The following SMARCA5 variants were observed in gnomAD, a reference collection of about 807,000 sequenced individuals.
SMARCA5 encodes SNF2 related chromatin remodeling ATPase 5, also known as SWI/SNF-related matrix-associated actin-dependent regulator of chromatin subfamily A member 5.
In SMARCA5, 18 loss-of-function variants were observed where a neutral mutation model predicts 140.4. The ratio of observed to expected loss-of-function variants is 0.13; its 90% CI spans 0.09 to 0.19. The LOEUF is 0.19. SMARCA5 is among the 10% of genes least tolerant of loss of function. The pLI, the probability that SMARCA5 is intolerant of heterozygous loss-of-function variation, is 1.00. For missense variants in SMARCA5, 606 were observed against 1,276.8 expected, an observed-to-expected ratio of 0.47 and a Z score of 8.01; for synonymous variants, 449 against 419.6, an observed-to-expected ratio of 1.07 and a Z score of -0.86.
chr4:143,551,083 CTT>C lies in SMARCA5; in HGVS notation c.3093+982_3093+983del, dbSNP rs1035880180. Reference sequence around the variant, plus strand: ...CTTGTCAGGATTTGTTATTGCCTGACTTTTGGATAAAAGCCATTTTATCTGGG... The same window carrying C: ...CTTGTCAGGATTTGTTATTGCCTGACTTGGATAAAAGCCATTTTATCTGGG... On this transcript the variant is annotated intron_variant, in intron 23 of 23. Transcript: ENST00000283131. Among the ~76,000 whole-genome samples, 250 of 151,840 alleles carry C rather than the reference CTT, an allele frequency of 1.6e-3. 3 individuals are homozygous for C. Among genetic ancestry groups the C allele is most frequent in the African/African-American group, 3.0e-3 (125 of 41,396 alleles).
intron 21 of SMARCA5, 152 bp from the exon 22 acceptor site, chr4:143,547,776 C>G (rs7687839): frequency 1.7e-5 from 9 of 543,578 alleles, no homozygotes; most frequent in African/African-American, 1.5e-4. Flanking sequence ...AAAGGTCTTT[C>G]GGGACAAAGA....
chr4:143,524,505 C>CT, intron 4 of SMARCA5, 38 bp downstream of exon 4: 1 of 1,313,514 alleles, frequency 7.6e-7, no homozygotes. Context: ...AAAAATTGCC[C>CT]TTTGAGATCT....
At chr4:143,535,187 C>G (rs1349293793) in intron 10 of SMARCA5, among the ~76,000 whole-genome samples, 2 of 152,056 alleles carry the variant, frequency 1.3e-5, no homozygotes, top group South Asian at 2.1e-4. Context: ...GCTTATGAAT[C>G]CAAAATTAAA....
At chr4:143,550,177 C>A in intron 23 of SMARCA5, 73 bp downstream of exon 23, 1 of 790,748 alleles carries the variant, frequency 1.3e-6, no homozygotes, top group Non-Finnish European at 2.0e-6. Flanking sequence ...CACTGCTTGG[C>A]TGTCATTGAT....
chr4:143,521,434 T>C lies in SMARCA5; in HGVS notation c.258T>C (p.Thr86=). The part of the protein sequence containing the change: ...PDPTYEEKMQ[T]DRANRFEYLL... ...CTTAAATTTTTTTTTTTCAGCAAACTGACCGGGCAAATAGATTCGAGTATT... is the reference window on the plus strand; with the variant it reads ...CTTAAATTTTTTTTTTTCAGCAAACCGACCGGGCAAATAGATTCGAGTATT... Residue 86 remains threonine (T), a synonymous_variant, in exon 3 of 24, where the codon ACT becomes ACC. Coordinates refer to ENST00000283131, the MANE Select transcript of SMARCA5 (RefSeq NM_003601.4). 6.3e-7 allele frequency: 1 copy of C among 1,587,280 alleles called. No individual in the cohort carries two copies. Among genetic ancestry groups the C allele is most frequent in the Non-Finnish European group, 8.5e-7 (1 of 1,170,254 alleles).
chr4:143,547,610 A>G (rs1004820533), intron 21 of SMARCA5, 107 bp downstream of exon 21: 4 of 682,906 alleles, frequency 5.9e-6, no homozygotes, highest in African/African-American at 3.6e-5. Context: ...TACAATTTAA[A>G]ATTTCTTCAG....
chr4:143,527,265 G>A (rs1231086404), intron 6 of SMARCA5, among the ~76,000 whole-genome samples: 1 of 152,130 alleles, frequency 6.6e-6, no homozygotes, highest in Non-Finnish European at 1.5e-5. Context: ...CTACTGAATA[G>A]CTGTGTACTT....
intron 10 of SMARCA5, among the ~76,000 whole-genome samples, chr4:143,536,151 T>C (rs1315137699): frequency 2.6e-5 from 4 of 152,196 alleles, no homozygotes; most frequent in African/African-American, 4.8e-5. Flanking sequence ...TTTGCTTTAT[T>C]ACTTAAAAAT....
At chr4:143,540,750 C>T (rs2149823128) in intron 14 of SMARCA5, among the ~76,000 whole-genome samples, 2 of 152,250 alleles carry the variant, frequency 1.3e-5, no homozygotes, top group Middle Eastern at 3.4e-3. Context: ...CCCATTTCCT[C>T]ATCTGTTAAG....
At chr4:143,531,858 C>A (rs1306629401) in intron 9 of SMARCA5, among the ~76,000 whole-genome samples, 2 of 152,186 alleles carry the variant, frequency 1.3e-5, no homozygotes, top group East Asian at 3.8e-4. Context: ...AATACCTAGT[C>A]CAAGACTCAG....
At position 143,513,876 on chromosome 4, in the gene SMARCA5, C is replaced by G. The variant is rs746566094; in HGVS notation, c.-49C>G. ...CAGGCCTAGGCCTCCCCGTCCATCCCCGCCGGACTCGGGCCTCTGGCAGCA... is the reference window on the plus strand; with the variant it reads ...CAGGCCTAGGCCTCCCCGTCCATCCGCGCCGGACTCGGGCCTCTGGCAGCA... On this transcript the variant is annotated 5_prime_UTR_variant, in exon 1 of 24. Transcript: ENST00000283131. 18 of 1,526,502 alleles carry G rather than the reference C, an allele frequency of 1.2e-5. No individual in the cohort carries two copies. The highest frequency in any genetic ancestry group is 1.6e-5 in the Non-Finnish European group (18 of 1,142,138). 94.6% of individuals were successfully genotyped at this position (1,526,502 alleles called of 1,614,324 possible).
In SMARCA5 at chr4:143,555,648, G is replaced by A. The variant is rs1737731814; in HGVS notation, c.*2464G>A. On this transcript the variant is annotated 3_prime_UTR_variant, in exon 24 of 24. Coordinates refer to ENST00000283131, the MANE Select transcript of SMARCA5 (RefSeq NM_003601.4). Reference sequence around the variant, plus strand: ...AAAGTGCTGGAGGCTATTATAAAGTGTAATTATTACTACTTTTAAGAGACA... The same window carrying A: ...AAAGTGCTGGAGGCTATTATAAAGTATAATTATTACTACTTTTAAGAGACA... 1 of 252,286 alleles carries A rather than the reference G, an allele frequency of 4.0e-6. No homozygotes were observed. Among genetic ancestry groups the A allele is most frequent in the African/African-American group, 2.3e-5 (1 of 43,134 alleles). The allele number at this position is 252,286 out of a possible 1,614,324, so 15.6% of individuals were successfully genotyped here. A position where few individuals can be genotyped will look rare whatever the true frequency, so the allele number is the denominator to read the frequency against.
At chr4:143,539,748 C>G (rs911820837) in intron 13 of SMARCA5, among the ~76,000 whole-genome samples, 10 of 152,040 alleles carry the variant, frequency 6.6e-5, no homozygotes, top group African/African-American at 2.4e-4. Flanking sequence ...GTTGGTCAGG[C>G]TGGTCTCGAA....
At chr4:143,528,096 A>G (rs1363002782) in intron 7 of SMARCA5, 73 bp downstream of exon 7, 6 of 1,209,520 alleles carry the variant, frequency 5.0e-6, no homozygotes, top group Admixed American at 3.0e-5. Context: ...TTTTCTTTTA[A>G]CTTTAAGTTA....
Position 143,538,575 on chromosome 4 carries a change from T to A in SMARCA5, c.1496-15T>A. On this transcript the variant is annotated splice_polypyrimidine_tract_variant and intron_variant, in intron 11 of 23. Coordinates refer to ENST00000283131, the MANE Select transcript of SMARCA5 (RefSeq NM_003601.4). ...TTTGAAGCCACTGATAATAGATTGTTATATTCCCCAACAGGTTCACGAGTA... is the reference window on the plus strand; with the variant it reads ...TTTGAAGCCACTGATAATAGATTGTAATATTCCCCAACAGGTTCACGAGTA... The A allele has an allele frequency of 6.2e-7, 1 of 1,610,058 alleles. No individual in the cohort carries two copies. The highest frequency in any genetic ancestry group is 8.5e-7 in the Non-Finnish European group (1 of 1,177,170).
intron 1 of SMARCA5, among the ~76,000 whole-genome samples, chr4:143,516,791 C>T (rs1209910378): frequency 6.6e-6 from 1 of 152,024 alleles, no homozygotes; most frequent in South Asian, 2.1e-4. Context: ...TTGCTTGTGA[C>T]ATATGAATGT....
In SMARCA5 at chr4:143,521,442, C is replaced by A; in HGVS notation, c.266C>A (p.Ala89Glu). Reference protein sequence around the residue: ...TYEEKMQTDRANRFEYLLKQT... With the variant: ...TYEEKMQTDRENRFEYLLKQT... Reference sequence around the variant, plus strand: ...TTTTTTTTTCAGCAAACTGACCGGGCAAATAGATTCGAGTATTTATTAAAG... The same window carrying A: ...TTTTTTTTTCAGCAAACTGACCGGGAAAATAGATTCGAGTATTTATTAAAG... Residue 89 changes from alanine (A) to glutamate (E), a missense_variant, in exon 3 of 24, where the codon GCA (alanine) becomes GAA (glutamate). Ala to Glu is a moderately radical substitution (Grantham distance 107, BLOSUM62 -1). Coordinates refer to ENST00000283131, the MANE Select transcript of SMARCA5 (RefSeq NM_003601.4). 1.2e-6 allele frequency: 2 copies of A among 1,600,580 alleles called. No homozygotes were observed. Among genetic ancestry groups the A allele is most frequent in the South Asian group, 1.1e-5 (1 of 87,934 alleles).
rs199938116 is a variant in SMARCA5 at position 143,526,021 on chromosome 4, C to G, written c.622-260C>G. ...GTATGAAGTCAAAAGAAATGTGTTT[C>G]AATGCTAGCTCTGCTAGATGACTTT... On this transcript the variant is annotated intron_variant, in intron 5 of 23. Coordinates refer to ENST00000283131, the MANE Select transcript of SMARCA5 (RefSeq NM_003601.4). Among the ~76,000 whole-genome samples the G allele has an allele frequency of 5.9e-5, 9 of 152,272 alleles. No homozygotes were observed. In the East Asian group the frequency reaches 1.5e-3, roughly 26 times the overall value.
At position 143,550,114 on chromosome 4, in the gene SMARCA5, C is replaced by A; in HGVS notation, c.3093+10C>A. 7.1e-7 allele frequency: 1 copy of A among 1,413,752 alleles called. No individual in the cohort carries two copies. The allele number at this position is 1,413,752 out of a possible 1,614,324, so 87.6% of individuals were successfully genotyped here. On this transcript the variant is annotated intron_variant, in intron 23 of 23. Coordinates refer to ENST00000283131, the MANE Select transcript of SMARCA5 (RefSeq NM_003601.4). Reference sequence around the variant, plus strand: ...AGGACCAAAGCCTTCAGTAAGTATTCATGAATATGTAAATATGTGGATTAT... The same window carrying A: ...AGGACCAAAGCCTTCAGTAAGTATTAATGAATATGTAAATATGTGGATTAT...
Sources: allele counts gnomAD v4.1 joint callset (sites outside exome capture counted in the v4.1 genomes callset), GRCh38; gene constraint gnomAD v4.1.1; transcripts MANE v1.5; gene names NCBI Gene and HGNC (gene_info 2026-07-23, HGNC 2026-07-21).